Variants in RPS6KC1 observed in about 807,000 individuals in gnomAD.
The protein encoded by RPS6KC1 is inactive ribosomal protein S6 kinase delta-1.
Under a neutral mutation model 103.8 loss-of-function variants are expected in RPS6KC1, and 54 were observed. The ratio of observed to expected loss-of-function variants is 0.52; its 90% confidence interval spans 0.42 to 0.65. The LOEUF is 0.65. Ranked by LOEUF, RPS6KC1 falls within the 30% of genes least tolerant of loss-of-function variation. The pLI is 0.00. For missense variants in RPS6KC1, 1,151 were observed against 1,253.8 expected, an observed-to-expected ratio of 0.92 and a Z score of 1.24; for synonymous variants, 439 against 438.7, an observed-to-expected ratio of 1.00 and a Z score of -0.01.
At chr1:213,082,445 TA>T (rs201575690) in intron 3 of RPS6KC1, among the ~76,000 whole-genome samples, 5,185 of 151,396 alleles carry the variant, frequency 0.034, 119 homozygotes, top group Middle Eastern at 0.054. Context: ...AAATAAATAA[TA>T]AAAAAAAGTA....
intron 7 of RPS6KC1, among the ~76,000 whole-genome samples, chr1:213,168,708 C>T (rs546072874): frequency 3.3e-5 from 5 of 152,048 alleles, no homozygotes; most frequent in South Asian, 2.1e-4. Flanking sequence ...CTGCAAGCTC[C>T]GCCTCCCGGG....
At chr1:213,247,188 A>G (rs1001381733) in intron 12 of RPS6KC1, among the ~76,000 whole-genome samples, 8 of 152,204 alleles carry the variant, frequency 5.3e-5, no homozygotes, top group African/African-American at 1.9e-4. Context: ...AATGCTTTTC[A>G]CTGCAGCCCG....
the RPS6KC1 span, among the ~76,000 whole-genome samples, chr1:213,636,726 C>T: frequency 1.3e-5 from 2 of 148,604 alleles, no homozygotes; most frequent in Non-Finnish European, 2.9e-5. Flanking sequence ...ATGACTAAAA[C>T]ACCAAAAGCA....
chr1:213,151,844 T>C (rs1277738138), intron 6 of RPS6KC1, among the ~76,000 whole-genome samples: 5 of 89,720 alleles, frequency 5.6e-5, no homozygotes, highest in Admixed American at 1.1e-4. Flanking sequence ...CCCCCCCACC[T>C]CCCTCCCGGA....
At chr1:213,602,986 T>A in the RPS6KC1 span, among the ~76,000 whole-genome samples, 46 of 152,322 alleles carry the variant, frequency 3.0e-4, no homozygotes, top group African/African-American at 6.0e-4. Context: ...GTCTGAGAGA[T>A]CTCTGACACT....
At chr1:213,681,162 TCA>T in the RPS6KC1 span, among the ~76,000 whole-genome samples, 23 of 152,280 alleles carry the variant, frequency 1.5e-4, no homozygotes, top group East Asian at 2.3e-3. Flanking sequence ...TCACTAGCTC[TCA>T]CTCCCTAGGA....
the RPS6KC1 span, among the ~76,000 whole-genome samples, chr1:213,467,490 A>T: frequency 1.3e-5 from 2 of 152,362 alleles, no homozygotes; most frequent in East Asian, 3.9e-4. Flanking sequence ...TAACATGTGC[A>T]AAAGTTCTTT....
intron 8 of RPS6KC1, among the ~76,000 whole-genome samples, chr1:213,211,316 T>A (rs536246953): frequency 3.8e-4 from 58 of 152,352 alleles, no homozygotes; most frequent in Middle Eastern, 6.8e-3. Context: ...TTTAGCATAA[T>A]CCGTTTATGG....
intron 3 of RPS6KC1, among the ~76,000 whole-genome samples, chr1:213,087,841 A>G (rs138628040): frequency 1.3e-5 from 2 of 152,240 alleles, no homozygotes; most frequent in East Asian, 3.9e-4. Flanking sequence ...TTGGCCTGCT[A>G]GCACCCTGCA....
chr1:213,852,769 A>G, the RPS6KC1 span, among the ~76,000 whole-genome samples: 1 of 152,250 alleles, frequency 6.6e-6, no homozygotes, highest in African/African-American at 2.4e-5. Context: ...CACAGGTAAC[A>G]CAGCAAATAC....
At chr1:213,444,744 C>A in the RPS6KC1 span, among the ~76,000 whole-genome samples, 321 of 87,394 alleles carry the variant, frequency 3.7e-3, no homozygotes, top group South Asian at 5.7e-3. Context: ...AACTCCAACT[C>A]AAAAAAAAAA....
At chr1:213,767,109 A>G in the RPS6KC1 span, among the ~76,000 whole-genome samples, 1 of 152,188 alleles carries the variant, frequency 6.6e-6, no homozygotes, top group South Asian at 2.1e-4. Context: ...GTTACTCTAC[A>G]TCTAATTTAT....
At chr1:213,575,051 G>A in the RPS6KC1 span, among the ~76,000 whole-genome samples, 1 of 152,140 alleles carries the variant, frequency 6.6e-6, no homozygotes, top group Non-Finnish European at 1.5e-5. Flanking sequence ...TAGCTTGACT[G>A]CCAGCTTAAA....
At chr1:213,062,602 G>GC (rs2148368044) in intron 1 of RPS6KC1, among the ~76,000 whole-genome samples, 1 of 151,974 alleles carries the variant, frequency 6.6e-6, no homozygotes, top group Admixed American at 6.6e-5. Context: ...CTGTCACCAG[G>GC]CTGGAGTACA....
the RPS6KC1 span, among the ~76,000 whole-genome samples, chr1:213,303,112 C>T: frequency 6.6e-6 from 1 of 152,198 alleles, no homozygotes; most frequent in Non-Finnish European, 1.5e-5. Flanking sequence ...GCCGTGGCAG[C>T]GTCTGGTGTA....
At chr1:213,680,728 A>T in the RPS6KC1 span, among the ~76,000 whole-genome samples, 1 of 152,182 alleles carries the variant, frequency 6.6e-6, no homozygotes, top group Non-Finnish European at 1.5e-5. Flanking sequence ...CAAGGTGAGT[A>T]TATGGAGTGT....
At chr1:213,172,843 C>T (rs2091580499) in intron 7 of RPS6KC1, among the ~76,000 whole-genome samples, 2 of 152,210 alleles carry the variant, frequency 1.3e-5, no homozygotes, top group Non-Finnish European at 2.9e-5. Context: ...TACAACCATT[C>T]TTTGCCTCTC....
chr1:213,372,365 T>A, the RPS6KC1 span, among the ~76,000 whole-genome samples: 1 of 152,206 alleles, frequency 6.6e-6, no homozygotes, highest in Non-Finnish European at 1.5e-5. Flanking sequence ...CAGGCAGGAA[T>A]GCAGGTGCAG....
the RPS6KC1 span, among the ~76,000 whole-genome samples, chr1:213,285,250 A>G: frequency 6.6e-6 from 1 of 152,146 alleles, no homozygotes; most frequent in African/African-American, 2.4e-5. Flanking sequence ...TGTGACCCTT[A>G]AAAGGACACT....
Sources: gnomAD v4.1 joint callset for allele counts (sites outside exome capture counted in the v4.1 genomes callset) on GRCh38, gnomAD v4.1.1 for gene constraint, MANE v1.5 for transcripts, NCBI Gene and HGNC (gene_info 2026-07-23, HGNC 2026-07-21) for gene names.